GPR158: variants seen among roughly 807,000 people sequenced by gnomAD.
The protein encoded by GPR158 is metabotropic glycine receptor.
GPR158 carries 30 observed loss-of-function variants against 78.2 expected under a neutral mutation model. That is an observed-to-expected ratio of 0.38 (90% CI 0.29 to 0.52). The LOEUF (loss-of-function observed/expected upper bound fraction) is 0.52. Among genes scored for constraint, GPR158 ranks in the 20% least tolerant of loss-of-function variants. The pLI, the probability that GPR158 is intolerant of heterozygous loss-of-function variation, is 0.83. For missense variants in GPR158, 1,463 were observed against 1,523.5 expected, an observed-to-expected ratio of 0.96 and a Z score of 0.66; for synonymous variants, 581 against 591.1, an observed-to-expected ratio of 0.98 and a Z score of 0.25.
chr10:25,205,268 T>A (rs1336289512), intron 1 of GPR158, among the ~76,000 whole-genome samples: 2 of 146,142 alleles, frequency 1.4e-5, no homozygotes, highest in African/African-American at 5.3e-5. Flanking sequence ...TTTATTTGGA[T>A]CTTCTCTTTT....
At chr10:25,320,653 T>A (rs750232853) in intron 2 of GPR158, among the ~76,000 whole-genome samples, 8 of 152,224 alleles carry the variant, frequency 5.3e-5, no homozygotes, top group Non-Finnish European at 1.0e-4. Context: ...GTCACAAAAT[T>A]GTTGCTATTT....
At chr10:25,516,031 G>C (rs1306721348) in intron 5 of GPR158, among the ~76,000 whole-genome samples, 1 of 150,678 alleles carries the variant, frequency 6.6e-6, no homozygotes, top group Middle Eastern at 3.4e-3. Flanking sequence ...TCCAGCACCT[G>C]TTGTTTCCTG....
intron 2 of GPR158, among the ~76,000 whole-genome samples, chr10:25,317,716 G>GTTTTGTTTTTTTTTTTTTT (rs1554793351): frequency 1.5e-5 from 2 of 134,062 alleles, no homozygotes; most frequent in African/African-American, 3.2e-5. Context: ...TTCGTAAAGT[G>GTTTTGTTTTTTTTTTTTTT]TTTTTTTTTG....
chr10:25,581,563 A>C (rs1837199540), intron 7 of GPR158, among the ~76,000 whole-genome samples: 1 of 151,172 alleles, frequency 6.6e-6, no homozygotes, highest in African/African-American at 2.4e-5. Flanking sequence ...GCATTATTCA[A>C]ATAACTGTGC....
At position 25,175,839 on chromosome 10, in the gene GPR158, T is replaced by A. The variant is rs781596533; in HGVS notation, c.419T>A (p.Leu140Gln). The stretch of plus-strand genomic sequence containing the variant: ...GCCACCAACTTCCTCAACGTGATGC[T>A]GCAGAGCAATAAGTCGCGGGAGCAG... ...THATNFLNVM[L>Q]QSNKSREQNL... Residue 140 changes from leucine (L) to glutamine (Q), a missense_variant, in exon 1 of 11, where the codon CTG (leucine) becomes CAG (glutamine). Leu to Gln is a moderately radical substitution (Grantham distance 113). Coordinates refer to ENST00000376351, the MANE Select transcript of GPR158 (RefSeq NM_020752.3). The surrounding 1 kb of genome is among the most constrained non-coding windows in gnomAD (Gnocchi z 6.4). 9 of 1,613,580 alleles carry A rather than the reference T, an allele frequency of 5.6e-6. No individual in the cohort carries two copies. Among genetic ancestry groups the A allele is most frequent in the Middle Eastern group, 3.3e-4 (2 of 6,062 alleles).
chr10:25,468,073 C>T (rs1295906043), intron 5 of GPR158, among the ~76,000 whole-genome samples: 1 of 152,118 alleles, frequency 6.6e-6, no homozygotes, highest in East Asian at 1.9e-4. Flanking sequence ...ACCTGCGTAT[C>T]TCTTAGGAAT....
chr10:25,523,725 G>A (rs1016711588), intron 5 of GPR158, among the ~76,000 whole-genome samples: 1 of 152,112 alleles, frequency 6.6e-6, no homozygotes, highest in Non-Finnish European at 1.5e-5. Context: ...ACTAGACCTA[G>A]CAGACATCTG....
intron 4 of GPR158, among the ~76,000 whole-genome samples, chr10:25,458,171 T>G (rs1274092967): frequency 2.6e-5 from 4 of 152,162 alleles, no homozygotes; most frequent in Non-Finnish European, 5.9e-5. Flanking sequence ...ACCTATAAAT[T>G]ATGCTGTATG....
chr10:25,233,906 T>C (rs953183068), intron 2 of GPR158, among the ~76,000 whole-genome samples: 18 of 152,220 alleles, frequency 1.2e-4, no homozygotes, highest in African/African-American at 4.3e-4. Flanking sequence ...ACCCTCTTCT[T>C]GCTAAATATT....
rs987366240 is a variant in GPR158, at chr10:25,239,401, G to A, written c.1008+18244G>A. Among the ~76,000 whole-genome samples the A allele has an allele frequency of 2.0e-5, 3 of 152,190 alleles. No individual in the cohort carries two copies. The East Asian group carries it at 5.8e-4, about 29-fold the overall frequency. On this transcript the variant is annotated intron_variant, in intron 2 of 10. Transcript: ENST00000376351. Reference sequence around the variant, plus strand: ...AGATCTCCTGAGAGATCTCCTGAGAGTTTGAGACCAACCTGGCCAACATGG... The same window carrying A: ...AGATCTCCTGAGAGATCTCCTGAGAATTTGAGACCAACCTGGCCAACATGG...
intron 2 of GPR158, among the ~76,000 whole-genome samples, chr10:25,275,210 T>C (rs1367702026): frequency 6.6e-6 from 1 of 152,176 alleles, no homozygotes; most frequent in African/African-American, 2.4e-5. Flanking sequence ...TGTTTAGTGA[T>C]GTGTTTTTAA....
intron 5 of GPR158, among the ~76,000 whole-genome samples, chr10:25,532,263 T>TA (rs1413661738): frequency 6.6e-6 from 1 of 151,498 alleles, no homozygotes; most frequent in Non-Finnish European, 1.5e-5. Flanking sequence ...GACTATCTGT[T>TA]AAACGGATGA....
chr10:25,575,714 G>A (rs1204615014), intron 7 of GPR158, among the ~76,000 whole-genome samples: 1 of 151,638 alleles, frequency 6.6e-6, no homozygotes, highest in Non-Finnish European at 1.5e-5. Context: ...CTAGAACATT[G>A]TTTTCAATTA....
intron 1 of GPR158, among the ~76,000 whole-genome samples, chr10:25,205,478 T>C (rs1183630618): frequency 6.6e-6 from 1 of 152,068 alleles, no homozygotes; most frequent in Admixed American, 6.5e-5. Context: ...TTCTTTTTTC[T>C]TTTTATGCAA....
At chr10:25,293,586 A>G (rs1278309341) in intron 2 of GPR158, among the ~76,000 whole-genome samples, 2 of 152,140 alleles carry the variant, frequency 1.3e-5, no homozygotes, top group East Asian at 1.9e-4. Context: ...TGTAGACCCA[A>G]TATTTTTCTG....
intron 4 of GPR158, among the ~76,000 whole-genome samples, chr10:25,443,646 A>AAAACCACAGG (rs1835099421): frequency 6.8e-6 from 1 of 147,258 alleles, no homozygotes. Context: ...ACCTCAAGCG[A>AAAACCACAGG]TCATTCCACT....
chr10:25,515,133 A>G (rs1224339262), intron 5 of GPR158, among the ~76,000 whole-genome samples: 2 of 151,936 alleles, frequency 1.3e-5, no homozygotes, highest in South Asian at 2.1e-4. Context: ...CCTTAGGAAC[A>G]CCAATTATTC....
Position 25,418,457 on chromosome 10 carries a change from C to T in GPR158, c.1335+5984C>T, listed in dbSNP as rs1382586945. On this transcript the variant is annotated intron_variant, in intron 4 of 10. Transcript: ENST00000376351. ...CTAATTACACACATTTGTCCCTATG[C>T]CTTTGGTTAAAGATGAAATCTGTCA... 3.3e-5 allele frequency among the ~76,000 whole-genome samples: 5 copies of T among 152,180 alleles called. No individual in the cohort carries two copies. In the East Asian group the frequency reaches 9.7e-4, roughly 29 times the overall value.
At chr10:25,252,812 C>G (rs1461316836) in intron 2 of GPR158, among the ~76,000 whole-genome samples, 1 of 152,088 alleles carries the variant, frequency 6.6e-6, no homozygotes, top group Non-Finnish European at 1.5e-5. Flanking sequence ...CAGAGGCAGG[C>G]AGGCCTCCTT....
Sources: gnomAD v4.1 joint callset for allele counts (sites outside exome capture counted in the v4.1 genomes callset) on GRCh38, gnomAD v4.1.1 for gene constraint, Gnocchi (gnomAD v3.1) non-coding constraint, MANE v1.5 for transcripts, NCBI Gene and HGNC (gene_info 2026-07-23, HGNC 2026-07-21) for gene names.